The following PSMG2 variants were observed in gnomAD, a reference collection of about 807,000 sequenced individuals.
The protein encoded by PSMG2 is proteasome assembly chaperone 2.
PSMG2 carries 21 observed loss-of-function variants against 31.5 expected under a neutral mutation model. The ratio of observed to expected loss-of-function variants is 0.67; its 90% CI spans 0.47 to 0.96. PSMG2 has a LOEUF of 0.96. PSMG2 is among the 40% of genes least tolerant of loss of function. The pLI is 0.00. For synonymous variants in PSMG2, 120 were observed against 110.4 expected (o/e 1.09, Z -0.54); for missense variants, 318 against 321.2 (o/e 0.99, Z 0.08).
intron 1 of PSMG2, among the ~76,000 whole-genome samples, chr18:12,688,006 G>A (rs1329723174): frequency 6.6e-6 from 1 of 151,918 alleles, no homozygotes; most frequent in Non-Finnish European, 1.5e-5. Context: ...CACTTTGGGA[G>A]GCCAAGGTGG....
intron 1 of PSMG2, chr18:12,691,451 GCT>G: frequency 6.2e-7 from 1 of 1,605,644 alleles, no homozygotes; most frequent in Non-Finnish European, 8.5e-7. Context: ...AGAAATAATC[GCT>G]CTTTCTCTGC....
intron 3 of PSMG2, among the ~76,000 whole-genome samples, chr18:12,716,920 G>A (rs2040381711): frequency 6.6e-6 from 1 of 151,132 alleles, no homozygotes; most frequent in African/African-American, 2.4e-5. Flanking sequence ...CAGGCAGCCT[G>A]GCTCCAGAGC....
At chr18:12,661,959 T>A in intron 1 of PSMG2, 1 of 257,364 alleles carries the variant, frequency 3.9e-6, no homozygotes, top group South Asian at 4.0e-5. Flanking sequence ...TGAATATGAT[T>A]TTGTTTTGTT....
intron 1 of PSMG2, among the ~76,000 whole-genome samples, chr18:12,675,770 G>A (rs2039104061): frequency 6.6e-6 from 1 of 151,758 alleles, no homozygotes; most frequent in Non-Finnish European, 1.5e-5. Context: ...CCAGGTTCAA[G>A]CGATTCTCCT....
In PSMG2 at chr18:12,668,597, C is replaced by CAAAAAAAAAAAAA. The variant is rs752216074; in HGVS notation, c.-37+9844_-37+9856dup. Reference sequence around the variant, plus strand: ...TGGGAGACAGAGTAAGATTCCATCTCAAAAAAAAAAAAAAAAAAAAAAAAA... The same window carrying CAAAAAAAAAAAAA: ...TGGGAGACAGAGTAAGATTCCATCTCAAAAAAAAAAAAAAAAAAAAAAAAAAAAAAAAAAAAAA... On this transcript the variant is annotated intron_variant, in intron 1 of 6. Transcript: ENST00000585331. Among the ~76,000 whole-genome samples the CAAAAAAAAAAAAA allele has an allele frequency of 1.3e-3, 93 of 72,818 alleles. 3 individuals are homozygous for CAAAAAAAAAAAAA. Among genetic ancestry groups the CAAAAAAAAAAAAA allele is most frequent in the Middle Eastern group, 9.8e-3 (1 of 102 alleles). 47.8% of individuals were successfully genotyped at this position (72,818 alleles called of 152,430 possible).
chr18:12,675,663 A>AT (rs1476770681), intron 1 of PSMG2, among the ~76,000 whole-genome samples: 1 of 151,604 alleles, frequency 6.6e-6, no homozygotes, highest in Non-Finnish European at 1.5e-5. Flanking sequence ...GATTCCATTT[A>AT]TTTTTTATTT....
chr18:12,702,509 G>A, upstream of PSMG2: 1 of 1,609,872 alleles, frequency 6.2e-7, no homozygotes, highest in Non-Finnish European at 8.5e-7. Flanking sequence ...TGGTGGATGA[G>A]CTGCTTCAGC....
intron 2 of PSMG2, among the ~76,000 whole-genome samples, chr18:12,708,697 G>GTT (rs1449910146): frequency 1.7e-5 from 2 of 117,144 alleles, no homozygotes; most frequent in African/African-American, 3.2e-5. Flanking sequence ...TCTTTACAAC[G>GTT]TTCTTTTTTT....
intron 1 of PSMG2, chr18:12,685,751 C>T (rs12957603): frequency 0.24 from 36,083 of 152,346 alleles, 4,957 homozygotes; most frequent in Non-Finnish European, 0.32. Flanking sequence ...CCTGCCTCAG[C>T]CTCCTGAGTA....
chr18:12,717,140 G>A (rs959342626), intron 3 of PSMG2, among the ~76,000 whole-genome samples: 1 of 150,778 alleles, frequency 6.6e-6, no homozygotes, highest in Non-Finnish European at 1.5e-5. Flanking sequence ...GTAGTAACAG[G>A]GTCTCACTAT....
chr18:12,705,467 C>T (rs1000993935), intron 1 of PSMG2, among the ~76,000 whole-genome samples: 2 of 151,548 alleles, frequency 1.3e-5, no homozygotes, highest in Admixed American at 6.6e-5. Flanking sequence ...TGGAGACGTC[C>T]ATTAGGTTGT....
chr18:12,691,400 G>C, intron 1 of PSMG2: 1 of 1,607,102 alleles, frequency 6.2e-7, no homozygotes, highest in Non-Finnish European at 8.5e-7. Context: ...TGTGAGGGTC[G>C]AATTTGCAAA....
chr18:12,701,046 T>C (rs774810193), upstream of PSMG2: 3 of 1,613,812 alleles, frequency 1.9e-6, no homozygotes, highest in African/African-American at 4.0e-5. Flanking sequence ...TAAATGCTGT[T>C]GATCAGGTGC....
chr18:12,702,392 G>A, upstream of PSMG2: 1 of 937,498 alleles, frequency 1.1e-6, no homozygotes, highest in Non-Finnish European at 1.7e-6. Flanking sequence ...TACAGTCCCG[G>A]CAAGCAGATG....
intron 1 of PSMG2, chr18:12,686,506 T>A: frequency 8.1e-7 from 1 of 1,230,852 alleles, no homozygotes; most frequent in Non-Finnish European, 1.2e-6. Context: ...CCAATTATGT[T>A]TTTTTCAAAT....
intron 1 of PSMG2, among the ~76,000 whole-genome samples, chr18:12,677,858 T>C (rs2039199508): frequency 6.6e-6 from 1 of 152,204 alleles, no homozygotes; most frequent in Non-Finnish European, 1.5e-5. Context: ...CTAAGGGATG[T>C]GAACAAGTTC....
At chr18:12,683,538 G>A (rs1281687665) in intron 1 of PSMG2, among the ~76,000 whole-genome samples, 1 of 151,916 alleles carries the variant, frequency 6.6e-6, no homozygotes, top group Non-Finnish European at 1.5e-5. Flanking sequence ...ATCACCTAAC[G>A]TCAGGAGTTC....
At chr18:12,671,480 C>T (rs1020823031) in intron 1 of PSMG2, among the ~76,000 whole-genome samples, 10 of 151,968 alleles carry the variant, frequency 6.6e-5, no homozygotes, top group Admixed American at 4.6e-4. Context: ...GAACTATGCA[C>T]AGAAGTGCTA....
At chr18:12,710,052 TC>T (rs1323812860) in intron 2 of PSMG2, among the ~76,000 whole-genome samples, 1 of 150,920 alleles carries the variant, frequency 6.6e-6, no homozygotes, top group Non-Finnish European at 1.5e-5. Flanking sequence ...ACGCCATTCT[TC>T]CGCCTCAGCC....
Sources: gnomAD v4.1 joint callset for allele counts (sites outside exome capture counted in the v4.1 genomes callset) on GRCh38, gnomAD v4.1.1 for gene constraint, MANE v1.5 for transcripts, NCBI Gene and HGNC (gene_info 2026-07-23, HGNC 2026-07-21) for gene names.